The following FHIT variants were observed in gnomAD, a reference collection of about 807,000 sequenced individuals.
FHIT encodes bis(5'-adenosyl)-triphosphatase.
FHIT carries 19 observed loss-of-function variants against 17.9 expected under a neutral mutation model. The ratio of observed to expected loss-of-function variants is 1.06; its 90% CI spans 0.74 to 1.56. The LOEUF is 1.56. FHIT is among the 40% of genes most tolerant of loss of function. FHIT has a pLI of 0.00. For missense variants in FHIT, 248 were observed against 189.2 expected, an observed-to-expected ratio of 1.31 and a Z score of -1.82; for synonymous variants, 81 against 69.7, an observed-to-expected ratio of 1.16 and a Z score of -0.81.
At chr3:60,140,385 A>C (rs1003400310) in intron 5 of FHIT, among the ~76,000 whole-genome samples, 3 of 152,012 alleles carry the variant, frequency 2.0e-5, no homozygotes, top group Non-Finnish European at 4.4e-5. Context: ...TGGATCAATG[A>C]AAGTTCTCCG....
intron 5 of FHIT, among the ~76,000 whole-genome samples, chr3:60,332,761 C>T (rs1710049387): frequency 6.6e-6 from 1 of 152,240 alleles, no homozygotes; most frequent in East Asian, 1.9e-4. Context: ...TTTCCCCCAC[C>T]ACTCCATCCC....
chr3:61,148,958 C>A (rs1317421272), intron 2 of FHIT, among the ~76,000 whole-genome samples: 1 of 152,208 alleles, frequency 6.6e-6, no homozygotes, highest in Non-Finnish European at 1.5e-5. Flanking sequence ...TCTGGATCTT[C>A]ATGCCACAAT....
chr3:60,924,709 A>T (rs1432988790), intron 3 of FHIT, among the ~76,000 whole-genome samples: 4 of 152,216 alleles, frequency 2.6e-5, no homozygotes, highest in Admixed American at 2.6e-4. Flanking sequence ...CTGGACGGAG[A>T]ATGACTTTGA....
intron 5 of FHIT, among the ~76,000 whole-genome samples, chr3:60,177,671 A>G (rs1701740433): frequency 6.6e-6 from 1 of 152,142 alleles, no homozygotes; most frequent in Non-Finnish European, 1.5e-5. Flanking sequence ...CTCCTATGGT[A>G]TTACTTTTAC....
At chr3:61,120,449 C>A (rs1040972124) in intron 2 of FHIT, among the ~76,000 whole-genome samples, 2 of 152,120 alleles carry the variant, frequency 1.3e-5, no homozygotes, top group African/African-American at 4.8e-5. Context: ...GAGTCTTAAC[C>A]TCAAAAGGTT....
intron 8 of FHIT, among the ~76,000 whole-genome samples, chr3:59,768,370 T>C (rs1304693431): frequency 1.3e-5 from 2 of 152,206 alleles, no homozygotes; most frequent in African/African-American, 2.4e-5. Context: ...TTCCATCTCA[T>C]GTGAGTAGGA....
chr3:59,920,216 T>C (rs147934361), intron 8 of FHIT, among the ~76,000 whole-genome samples: 161 of 152,314 alleles, frequency 1.1e-3, no homozygotes, highest in African/African-American at 3.8e-3. Context: ...TACAATATCA[T>C]ATGGTTAGTA....
chr3:61,026,439 G>C (rs762302976), intron 3 of FHIT, among the ~76,000 whole-genome samples: 2 of 152,124 alleles, frequency 1.3e-5, no homozygotes. Flanking sequence ...ATGTAAAGCT[G>C]TTACCATGGC....
chr3:61,096,134 T>A (rs1422838554), intron 2 of FHIT, among the ~76,000 whole-genome samples: 1 of 152,206 alleles, frequency 6.6e-6, no homozygotes, highest in Non-Finnish European at 1.5e-5. Context: ...GGGCTTTAAA[T>A]CTTTCTCAAA....
chr3:59,806,514 G>A (rs751769576), intron 8 of FHIT, among the ~76,000 whole-genome samples: 7 of 151,964 alleles, frequency 4.6e-5, no homozygotes, highest in Admixed American at 1.3e-4. Flanking sequence ...GATCCCCAGC[G>A]GCAATTCCCA....
intron 5 of FHIT, among the ~76,000 whole-genome samples, chr3:60,357,441 C>T (rs991798512): frequency 6.6e-6 from 1 of 152,070 alleles, no homozygotes; most frequent in Non-Finnish European, 1.5e-5. Flanking sequence ...GACAGGGTTT[C>T]GCTATGTTGG....
At chr3:60,100,195 G>A (rs760597414) in intron 5 of FHIT, among the ~76,000 whole-genome samples, 2 of 151,980 alleles carry the variant, frequency 1.3e-5, no homozygotes, top group African/African-American at 2.4e-5. Context: ...CCTGACCCCC[G>A]TCAATATGGT....
chr3:60,562,480 G>A (rs758843723), intron 4 of FHIT, among the ~76,000 whole-genome samples: 2 of 152,206 alleles, frequency 1.3e-5, no homozygotes, highest in South Asian at 4.1e-4. Flanking sequence ...CAGCAATCCA[G>A]GAAGGGTGTT....
In FHIT at chr3:61,038,616, TG is replaced by T. The variant is rs968639094; in HGVS notation, c.-111+3430del. Among the ~76,000 whole-genome samples, 12 of 152,242 alleles carry T rather than the reference TG, an allele frequency of 7.9e-5. 1 individual carries two copies. Among genetic ancestry groups the T allele is most frequent in the Admixed American group, 6.5e-5 (1 of 15,290 alleles). On this transcript the variant is annotated intron_variant, in intron 3 of 9. Coordinates refer to ENST00000492590, the MANE Select transcript of FHIT (RefSeq NM_002012.4). The stretch of plus-strand genomic sequence containing the variant: ...ATTGCTTGATATAATAATGGCATTG[TG>T]CTTAAGTACAAAAATGCCCATATTT...
At chr3:60,806,446 C>T (rs185282875) in intron 4 of FHIT, among the ~76,000 whole-genome samples, 1 of 152,312 alleles carries the variant, frequency 6.6e-6, no homozygotes, top group African/African-American at 2.4e-5. Context: ...CTTCTCATGC[C>T]AGCACCCCTT....
At chr3:60,185,811 G>A (rs952558540) in intron 5 of FHIT, among the ~76,000 whole-genome samples, 1 of 152,028 alleles carries the variant, frequency 6.6e-6, no homozygotes, top group Non-Finnish European at 1.5e-5. Flanking sequence ...TTTGGTATTT[G>A]CTCTACATCC....
At chr3:60,232,627 G>C (rs1252686561) in intron 5 of FHIT, among the ~76,000 whole-genome samples, 1 of 152,150 alleles carries the variant, frequency 6.6e-6, no homozygotes, top group Non-Finnish European at 1.5e-5. Context: ...TCCTGGGCCA[G>C]ACTCAGTAGT....
At chr3:60,336,269 A>C (rs1224738749) in intron 5 of FHIT, among the ~76,000 whole-genome samples, 1 of 152,222 alleles carries the variant, frequency 6.6e-6, no homozygotes, top group Non-Finnish European at 1.5e-5. Context: ...TTGCTGATTC[A>C]GAAGTAAATG....
chr3:60,889,733 T>C lies in FHIT; in HGVS notation c.-110-67722A>G, dbSNP rs1002393686. ...TTCCTCAATAGGCTCAAAATAAATATTGACAGAAATAGGTAAGTAAATCAA... is the reference window on the plus strand; with the variant it reads ...TTCCTCAATAGGCTCAAAATAAATACTGACAGAAATAGGTAAGTAAATCAA... On this transcript the variant is annotated intron_variant, in intron 3 of 9. Coordinates refer to ENST00000492590, the MANE Select transcript of FHIT (RefSeq NM_002012.4). Among the ~76,000 whole-genome samples the C allele has an allele frequency of 3.3e-5, 5 of 152,228 alleles. No individual in the cohort carries two copies. The East Asian group carries it at 7.7e-4, about 24-fold the overall frequency.
Sources: allele counts gnomAD v4.1 joint callset (sites outside exome capture counted in the v4.1 genomes callset), GRCh38; gene constraint gnomAD v4.1.1; transcripts MANE v1.5; gene names NCBI Gene and HGNC (gene_info 2026-07-23, HGNC 2026-07-21).